Variants in NR3C2 observed in about 807,000 individuals in gnomAD.
The protein encoded by NR3C2 is mineralocorticoid receptor.
NR3C2 carries 15 observed loss-of-function variants against 86.4 expected under a neutral mutation model. That is an observed-to-expected ratio of 0.17 (90% CI 0.12 to 0.27). The LOEUF is 0.27. Among genes scored for constraint, NR3C2 ranks in the 10% least tolerant of loss-of-function variants. The pLI, the probability that NR3C2 is intolerant of heterozygous loss-of-function variation, is 1.00. For missense variants in NR3C2, 960 were observed against 1,195.6 expected (o/e 0.80, Z 2.91); for synonymous variants, 458 against 450.5 (o/e 1.02, Z -0.21).
chr4:148,191,275 A>G (rs1293325631), intron 4 of NR3C2, among the ~76,000 whole-genome samples: 1 of 152,182 alleles, frequency 6.6e-6, no homozygotes, highest in Non-Finnish European at 1.5e-5. Flanking sequence ...TTTTTGGCTG[A>G]TAACTGTTTT....
chr4:148,093,771 T>C (rs561449839), intron 8 of NR3C2, among the ~76,000 whole-genome samples: 31 of 152,278 alleles, frequency 2.0e-4, no homozygotes, highest in African/African-American at 7.5e-4. Flanking sequence ...GTTTGGCCTT[T>C]ATCTGAAACA....
At chr4:148,169,980 A>C (rs1256279223) in intron 4 of NR3C2, among the ~76,000 whole-genome samples, 1 of 152,236 alleles carries the variant, frequency 6.6e-6, no homozygotes, top group Admixed American at 6.5e-5. Context: ...AGAAAAGATT[A>C]TTTGTTAACA....
chr4:148,395,663 C>G (rs1369375794), intron 2 of NR3C2, among the ~76,000 whole-genome samples: 1 of 152,176 alleles, frequency 6.6e-6, no homozygotes. Context: ...GAACCATACT[C>G]AATGAAATAT....
chr4:148,257,848 C>CA (rs1310711742), intron 3 of NR3C2, among the ~76,000 whole-genome samples: 1 of 151,852 alleles, frequency 6.6e-6, no homozygotes. Context: ...GTCTAATTCC[C>CA]AAATCAATAC....
chr4:148,087,534 G>C (rs1730869937), intron 8 of NR3C2, among the ~76,000 whole-genome samples: 1 of 152,194 alleles, frequency 6.6e-6, no homozygotes, highest in South Asian at 2.1e-4. Context: ...CAATGGAACA[G>C]AACAGAACAG....
At chr4:148,404,423 A>G (rs1443501221) in intron 2 of NR3C2, among the ~76,000 whole-genome samples, 3 of 152,166 alleles carry the variant, frequency 2.0e-5, no homozygotes, top group African/African-American at 7.2e-5. Context: ...GTTACAGGTC[A>G]AAGACCATTC....
intron 8 of NR3C2, among the ~76,000 whole-genome samples, chr4:148,084,257 G>A (rs1482169186): frequency 6.6e-6 from 1 of 151,836 alleles, no homozygotes; most frequent in Non-Finnish European, 1.5e-5. Context: ...ATGTTAAGGG[G>A]AAGCCAGAGA....
chr4:148,354,898 C>T (rs1175264486), intron 2 of NR3C2, among the ~76,000 whole-genome samples: 6 of 151,908 alleles, frequency 3.9e-5, no homozygotes, highest in Non-Finnish European at 8.8e-5. Flanking sequence ...GAAATTAGAA[C>T]AAAAACATTA....
At chr4:148,115,373 T>C (rs1286167168) in intron 7 of NR3C2, among the ~76,000 whole-genome samples, 1 of 152,240 alleles carries the variant, frequency 6.6e-6, no homozygotes, top group African/African-American at 2.4e-5. Context: ...CCAATAGTTA[T>C]GTTTATGCCT....
rs140796742 is a variant in NR3C2, at chr4:148,435,138, G to A, written c.1723C>T (p.Pro575Ser). ...TTTTCTGGAATGTATTCTAAGACCGGATACCCATCACTTCTTCTAGACGAC... is the reference window on the plus strand; with the variant it reads ...TTTTCTGGAATGTATTCTAAGACCGAATACCCATCACTTCTTCTAGACGAC... ...DLSSRRSDGY[P>S]VLEYIPENVS... The change falls in exon 2 of 9, where the codon CCG (proline) becomes TCG (serine). Residue 575 changes from proline (P) to serine (S), a missense_variant. Coordinates refer to ENST00000358102, the MANE Select transcript of NR3C2 (RefSeq NM_000901.5). The A allele has an allele frequency of 6.2e-7, 1 of 1,614,128 alleles. No individual in the cohort carries two copies. Among genetic ancestry groups the A allele is most frequent in the Non-Finnish European group, 8.5e-7 (1 of 1,180,010 alleles).
intron 2 of NR3C2, among the ~76,000 whole-genome samples, chr4:148,428,219 C>T (rs1435848427): frequency 1.3e-5 from 2 of 152,182 alleles, no homozygotes; most frequent in Non-Finnish European, 1.5e-5. Flanking sequence ...GTTACATTAT[C>T]ATTCCATTCC....
chr4:148,249,003 T>C (rs1739446698), intron 3 of NR3C2, among the ~76,000 whole-genome samples: 1 of 152,158 alleles, frequency 6.6e-6, no homozygotes. Context: ...ACAGACTTAT[T>C]TGCTGAGTCT....
intron 3 of NR3C2, among the ~76,000 whole-genome samples, chr4:148,248,292 C>A (rs1739414628): frequency 6.6e-6 from 1 of 152,106 alleles, no homozygotes; most frequent in African/African-American, 2.4e-5. Context: ...TTCTAAAAAA[C>A]AAAACAATTA....
chr4:148,364,867 A>T (rs1307262152), intron 2 of NR3C2, among the ~76,000 whole-genome samples: 3 of 147,246 alleles, frequency 2.0e-5, no homozygotes, highest in African/African-American at 7.6e-5. Flanking sequence ...TATATTGGGG[A>T]TGGGACCCAA....
At chr4:148,411,088 T>C (rs1407490559) in intron 2 of NR3C2, among the ~76,000 whole-genome samples, 1 of 152,186 alleles carries the variant, frequency 6.6e-6, no homozygotes, top group Non-Finnish European at 1.5e-5. Context: ...AAGAGCTTAA[T>C]GTCTTTCATT....
chr4:148,375,629 T>C (rs1746638230), intron 2 of NR3C2, among the ~76,000 whole-genome samples: 1 of 152,194 alleles, frequency 6.6e-6, no homozygotes, highest in African/African-American at 2.4e-5. Flanking sequence ...ATGCAGATCC[T>C]TGGTGTTTTG....
chr4:148,324,376 T>TTC (rs1743842299), intron 2 of NR3C2, among the ~76,000 whole-genome samples: 1 of 149,184 alleles, frequency 6.7e-6, no homozygotes, highest in Non-Finnish European at 1.5e-5. Context: ...TTTGTGTGTG[T>TTC]GTTCCTGTGT....
intron 4 of NR3C2, among the ~76,000 whole-genome samples, chr4:148,177,554 C>T (rs1202844152): frequency 6.6e-6 from 1 of 152,152 alleles, no homozygotes; most frequent in Non-Finnish European, 1.5e-5. Flanking sequence ...TCATTAGCCA[C>T]TAGATTTGCA....
intron 3 of NR3C2, among the ~76,000 whole-genome samples, chr4:148,221,891 C>CT (rs1054180277): frequency 1.4e-5 from 1 of 71,940 alleles, no homozygotes; most frequent in Non-Finnish European, 2.6e-5. Context: ...AAGACTCTGT[C>CT]TTAAAAAAAA....
Sources: gnomAD v4.1 joint callset for allele counts (sites outside exome capture counted in the v4.1 genomes callset) on GRCh38, gnomAD v4.1.1 for gene constraint, MANE v1.5 for transcripts, NCBI Gene and HGNC (gene_info 2026-07-23, HGNC 2026-07-21) for gene names.